The following DEPDC5 variants were observed in gnomAD, a reference collection of about 807,000 sequenced individuals.
DEPDC5 encodes DEP domain containing 5, GATOR1 subcomplex subunit, also known as GATOR1 complex protein DEPDC5.
DEPDC5 carries 73 observed loss-of-function variants against 217.3 expected under a neutral mutation model. The ratio of observed to expected loss-of-function variants is 0.34; its 90% confidence interval spans 0.28 to 0.41. The LOEUF (loss-of-function observed/expected upper bound fraction) is 0.41. Ranked by LOEUF, DEPDC5 falls within the 10% of genes least tolerant of loss-of-function variation. The probability of loss-of-function intolerance (pLI) is 1.00; values close to 1 mark genes in which losing one functional copy is unlikely to be tolerated. For missense variants in DEPDC5, 1,675 were observed against 2,070.1 expected (o/e 0.81, Z 3.70); for synonymous variants, 733 against 756.7 (o/e 0.97, Z 0.51).
intron 21 of DEPDC5, among the ~76,000 whole-genome samples, chr22:31,818,776 T>C (rs1363973697): frequency 6.6e-6 from 1 of 152,244 alleles, no homozygotes; most frequent in African/African-American, 2.4e-5. Context: ...TCCCATCAGA[T>C]TTGGTTGTGA....
chr22:31,758,462 ATGGGGTTG>A, intron 2 of DEPDC5, 76 bp from the exon 3 acceptor site: 1 of 1,254,762 alleles, frequency 8.0e-7, no homozygotes, highest in Non-Finnish European at 1.2e-6. Flanking sequence ...TACCATCCTG[ATGGGGTTG>A]TGAGGAACCA....
chr22:31,789,709 A>G (rs564926013), intron 10 of DEPDC5, among the ~76,000 whole-genome samples: 1 of 152,354 alleles, frequency 6.6e-6, no homozygotes, highest in African/African-American at 2.4e-5. Flanking sequence ...TATGTAGTGT[A>G]AAAGAGTAGA....
chr22:31,760,166 C>T (rs4820991), intron 3 of DEPDC5, among the ~76,000 whole-genome samples: 22,811 of 151,708 alleles, frequency 0.15, 2,271 homozygotes, highest in Middle Eastern at 0.25. Flanking sequence ...CTCCCGGGTT[C>T]ACGCCATTCT....
chr22:31,769,798 T>C (rs1025866272), intron 7 of DEPDC5: 5 of 151,992 alleles, frequency 3.3e-5, no homozygotes, highest in African/African-American at 1.2e-4. Context: ...GACACACGCC[T>C]GTAGTCCAGC....
chr22:31,873,146 C>T, intron 34 of DEPDC5, 109 bp from the exon 35 acceptor site: 7 of 1,587,122 alleles, frequency 4.4e-6, no homozygotes, highest in Non-Finnish European at 6.0e-6. Flanking sequence ...TTAGTGTCAA[C>T]ATTGTCCTGG....
rs1327127877 is a variant in DEPDC5, at chr22:31,754,122, C to T, written c.-103C>T. 6.5e-6 allele frequency: 1 copy of T among 152,880 alleles called. No homozygotes were observed. The highest frequency in any genetic ancestry group is 1.5e-5 in the Non-Finnish European group (1 of 68,528). The allele number at this position is 152,880 out of a possible 1,614,324, so 9.5% of individuals were successfully genotyped here. On this transcript the variant is annotated 5_prime_UTR_variant, in exon 1 of 43. Transcript: ENST00000651528. ...CAGGGAACCTGGAGAGGGTCCAGCC[C>T]TCAGTGCCCCGGCCAGAGGCGGGAA...
intron 33 of DEPDC5, among the ~76,000 whole-genome samples, chr22:31,863,914 C>T (rs1014350550): frequency 4.3e-4 from 64 of 148,490 alleles, no homozygotes; most frequent in Non-Finnish European, 1.3e-4. Context: ...CAGAGTGAGA[C>T]TCCATCTGAA....
intron 14 of DEPDC5, among the ~76,000 whole-genome samples, chr22:31,800,842 G>C (rs1332905492): frequency 1.3e-5 from 2 of 151,852 alleles, no homozygotes; most frequent in Non-Finnish European, 2.9e-5. Context: ...CCAGCATGGT[G>C]GCGCACACCT....
intron 38 of DEPDC5, among the ~76,000 whole-genome samples, chr22:31,881,931 A>G (rs2093186655): frequency 6.6e-6 from 1 of 151,018 alleles, no homozygotes; most frequent in South Asian, 2.1e-4. Context: ...GGGCGACTCC[A>G]TCTCAAAAGT....
At chr22:31,835,102 G>A (rs918165751) in intron 25 of DEPDC5, among the ~76,000 whole-genome samples, 1 of 152,110 alleles carries the variant, frequency 6.6e-6, no homozygotes, top group African/African-American at 2.4e-5. Flanking sequence ...AGACCAGCCC[G>A]GGCAATATAG....
chr22:31,897,348 C>T, intron 39 of DEPDC5, 134 bp from the exon 40 acceptor site: 6 of 1,196,806 alleles, frequency 5.0e-6, no homozygotes, highest in Non-Finnish European at 6.9e-6. Context: ...AATTTGCAGC[C>T]AGCAAACATG....
intron 27 of DEPDC5, among the ~76,000 whole-genome samples, chr22:31,842,288 T>A (rs1236797709): frequency 6.6e-6 from 1 of 152,098 alleles, no homozygotes; most frequent in African/African-American, 2.4e-5. Context: ...AGAAACAACA[T>A]GAGCAGGCTG....
intron 7 of DEPDC5, among the ~76,000 whole-genome samples, chr22:31,775,867 T>C (rs1410529163): frequency 9.9e-5 from 15 of 151,464 alleles, no homozygotes; most frequent in Admixed American, 8.6e-4. Flanking sequence ...TGGTGAAACC[T>C]CATCTCTACT....
intron 27 of DEPDC5, among the ~76,000 whole-genome samples, chr22:31,841,494 C>T (rs961640043): frequency 6.6e-6 from 1 of 152,224 alleles, no homozygotes; most frequent in Non-Finnish European, 1.5e-5. Context: ...GTACACTCCA[C>T]AGTGTGGGAG....
chr22:31,791,296 A>G (rs2085603317), intron 10 of DEPDC5, among the ~76,000 whole-genome samples: 1 of 152,022 alleles, frequency 6.6e-6, no homozygotes, highest in African/African-American at 2.4e-5. Context: ...TGCAGCCTAT[A>G]ATTACCTGAA....
At chr22:31,905,531 C>T (rs1202886908) in intron 41 of DEPDC5, among the ~76,000 whole-genome samples, 2 of 151,518 alleles carry the variant, frequency 1.3e-5, no homozygotes, top group African/African-American at 4.8e-5. Context: ...CTCGAGTATG[C>T]GGGTGGGTAT....
intron 29 of DEPDC5, 47 bp downstream of exon 29, chr22:31,843,859 G>C: frequency 2.6e-6 from 4 of 1,548,862 alleles, no homozygotes; most frequent in Non-Finnish European, 2.6e-6. Flanking sequence ...CTTGGGCAAG[G>C]ATGTGTATGT....
At chr22:31,888,204 C>T (rs913821399) in intron 38 of DEPDC5, among the ~76,000 whole-genome samples, 8 of 149,708 alleles carry the variant, frequency 5.3e-5, no homozygotes, top group African/African-American at 9.8e-5. Context: ...TAGGCCCACT[C>T]ACATGCCTTT....
At chr22:31,770,107 G>A (rs2083203053) in intron 7 of DEPDC5, among the ~76,000 whole-genome samples, 1 of 149,878 alleles carries the variant, frequency 6.7e-6, no homozygotes, top group Non-Finnish European at 1.5e-5. Flanking sequence ...GGTGGTGTGC[G>A]ACTGTAGTCC....
Sources: allele counts gnomAD v4.1 joint callset (sites outside exome capture counted in the v4.1 genomes callset), GRCh38; gene constraint gnomAD v4.1.1; transcripts MANE v1.5; gene names NCBI Gene and HGNC (gene_info 2026-07-23, HGNC 2026-07-21).